TSPAN8: variants seen among roughly 807,000 people sequenced by gnomAD.
The protein encoded by TSPAN8 is tetraspanin-8.
TSPAN8 carries 21 observed loss-of-function variants against 32.8 expected under a neutral mutation model. The ratio of observed to expected loss-of-function variants is 0.64; its 90% CI spans 0.45 to 0.92. The LOEUF is 0.92. TSPAN8 is among the 40% of genes least tolerant of loss of function. The pLI, the probability that TSPAN8 is intolerant of heterozygous loss-of-function variation, is 0.00. For missense variants in TSPAN8, 269 were observed against 281.9 expected (o/e 0.95, Z 0.33); for synonymous variants, 95 against 94.6 (o/e 1.00, Z -0.03).
chr12:71,152,965 T>C (rs886101609), intron 2 of TSPAN8, among the ~76,000 whole-genome samples: 9 of 152,206 alleles, frequency 5.9e-5, no homozygotes, highest in African/African-American at 2.2e-4. Context: ...TCTTCAAACC[T>C]CGTCATGCAC....
intron 2 of TSPAN8, among the ~76,000 whole-genome samples, chr12:71,152,648 T>C (rs1872293243): frequency 1.3e-5 from 2 of 152,198 alleles, no homozygotes; most frequent in Non-Finnish European, 2.9e-5. Flanking sequence ...TATCAACCAG[T>C]GGACTCTAAT....
At chr12:71,129,790 T>G (rs1871461829) in intron 7 of TSPAN8, among the ~76,000 whole-genome samples, 1 of 152,154 alleles carries the variant, frequency 6.6e-6, no homozygotes, top group Non-Finnish European at 1.5e-5. Flanking sequence ...GTATAAATCA[T>G]AATTTTATCT....
At chr12:71,140,937 T>C (rs967222946) in intron 3 of TSPAN8, among the ~76,000 whole-genome samples, 1 of 152,186 alleles carries the variant, frequency 6.6e-6, no homozygotes, top group Non-Finnish European at 1.5e-5. Context: ...CCCTTAACAG[T>C]CAATACAAAA....
chr12:71,127,166 G>A (rs1046587770), intron 8 of TSPAN8, among the ~76,000 whole-genome samples: 1 of 151,948 alleles, frequency 6.6e-6, no homozygotes, highest in African/African-American at 2.4e-5. Flanking sequence ...GAGATTTTCT[G>A]TTTCTGTATC....
intron 3 of TSPAN8, among the ~76,000 whole-genome samples, chr12:71,142,420 C>A (rs1040858760): frequency 1.3e-5 from 2 of 152,080 alleles, no homozygotes; most frequent in South Asian, 2.1e-4. Flanking sequence ...AAAGAAAATA[C>A]CAACAGGAAG....
intron 2 of TSPAN8, among the ~76,000 whole-genome samples, chr12:71,152,999 A>C (rs546966134): frequency 6.6e-6 from 1 of 152,282 alleles, no homozygotes; most frequent in African/African-American, 2.4e-5. Flanking sequence ...TTACTAATAC[A>C]TTCAGCTTTA....
intron 2 of TSPAN8, among the ~76,000 whole-genome samples, chr12:71,149,944 G>A (rs751209885): frequency 1.3e-5 from 2 of 152,200 alleles, no homozygotes; most frequent in Non-Finnish European, 2.9e-5. Flanking sequence ...AAACGGACAT[G>A]CAAGTAGGGA....
intron 2 of TSPAN8, among the ~76,000 whole-genome samples, chr12:71,149,679 C>T (rs1451917509): frequency 6.6e-6 from 1 of 152,246 alleles, no homozygotes; most frequent in Non-Finnish European, 1.5e-5. Flanking sequence ...TTTCTTACAC[C>T]TGTCTTACTT....
chr12:71,157,415 C>T, intron 2 of TSPAN8: 1 of 491,800 alleles, frequency 2.0e-6, no homozygotes, highest in Non-Finnish European at 3.6e-6. Context: ...TCCTCACATT[C>T]TGAAGTGCAC....
intron 2 of TSPAN8, among the ~76,000 whole-genome samples, chr12:71,151,736 T>C (rs1377184464): frequency 6.6e-6 from 1 of 152,238 alleles, no homozygotes; most frequent in Non-Finnish European, 1.5e-5. Context: ...CAAGGTAATA[T>C]GCACAGACAA....
chr12:71,141,013 G>A (rs1255425669), intron 3 of TSPAN8, among the ~76,000 whole-genome samples: 2 of 152,156 alleles, frequency 1.3e-5, no homozygotes, highest in East Asian at 3.9e-4. Context: ...ATTGCCTAGA[G>A]GAAACTTTTA....
chr12:71,125,321 T>G lies in TSPAN8; in HGVS notation c.*13A>C, dbSNP rs778395568. 6.2e-7 allele frequency: 1 copy of G among 1,610,086 alleles called. No homozygotes were observed. The highest frequency in any genetic ancestry group is 1.1e-5 in the South Asian group (1 of 90,332). On this transcript the variant is annotated 3_prime_UTR_variant, in exon 9 of 9. Transcript: ENST00000247829. ...AGGGGTTTGACTGACGATAGGTTGA[T>G]GCATCCACAGATTCATTTGTTCCCG...
At chr12:71,132,275 C>T (rs554331607) in intron 7 of TSPAN8, among the ~76,000 whole-genome samples, 2 of 152,084 alleles carry the variant, frequency 1.3e-5, no homozygotes, top group South Asian at 4.2e-4. Context: ...AAAGAAGAAA[C>T]CTCATTTCTT....
chr12:71,134,713 TC>T lies in TSPAN8; in HGVS notation c.445-1890del, dbSNP rs200263240. ...ACCCTCTGTCAAATGTAAATTAAAT[TC>T]CACTATAAAATTTATATTCTCATTT... On this transcript the variant is annotated intron_variant, in intron 6 of 8. Transcript: ENST00000247829. 6.4e-3 allele frequency among the ~76,000 whole-genome samples: 974 copies of T among 152,334 alleles called. 13 individuals carry two copies. The highest frequency in any genetic ancestry group is 0.022 in the African/African-American group (908 of 41,572).
At chr12:71,142,843 A>C (rs1035950403) in intron 3 of TSPAN8, among the ~76,000 whole-genome samples, 1 of 76,426 alleles carries the variant, frequency 1.3e-5, no homozygotes, top group African/African-American at 5.0e-5. Flanking sequence ...AGAGAGGAAA[A>C]AAACAAAAAA....
At chr12:71,157,458 G>A in intron 2 of TSPAN8, 161 bp downstream of exon 2, 1 of 535,678 alleles carries the variant, frequency 1.9e-6, no homozygotes, top group Non-Finnish European at 3.3e-6. Context: ...TTCAATTACT[G>A]AAATAACCAA....
intron 8 of TSPAN8, 137 bp from the exon 9 acceptor site, chr12:71,125,524 G>A: frequency 1.4e-6 from 1 of 691,390 alleles, no homozygotes; most frequent in South Asian, 2.4e-5. Flanking sequence ...CATCTCTCTT[G>A]GGAAATTAGA....
intron 4 of TSPAN8, 115 bp from the exon 5 acceptor site, chr12:71,138,345 G>A: frequency 1.0e-6 from 1 of 986,078 alleles, no homozygotes; most frequent in Non-Finnish European, 1.5e-6. Context: ...GAGAGTGTCA[G>A]TCACACTCTT....
intron 2 of TSPAN8, among the ~76,000 whole-genome samples, chr12:71,151,066 ATTT>A (rs60574643): frequency 7.1e-6 from 1 of 141,020 alleles, no homozygotes; most frequent in African/African-American, 2.6e-5. Context: ...CGTGCATCTT[ATTT>A]TTTTTTTTTT....
Sources: allele counts gnomAD v4.1 joint callset (sites outside exome capture counted in the v4.1 genomes callset), GRCh38; gene constraint gnomAD v4.1.1; transcripts MANE v1.5; gene names NCBI Gene and HGNC (gene_info 2026-07-23, HGNC 2026-07-21).